TFCP2: variants seen among roughly 807,000 people sequenced by gnomAD.
TFCP2 encodes alpha-globin transcription factor CP2.
Under a neutral mutation model 73.4 loss-of-function variants are expected in TFCP2, and 33 were observed. The observed-to-expected ratio is 0.45, with a 90% CI of 0.34 to 0.60. The LOEUF (loss-of-function observed/expected upper bound fraction) is 0.60, where lower values mean the gene tolerates loss of function less well. Among genes scored for constraint, TFCP2 ranks in the 20% least tolerant of loss-of-function variants. The pLI is 0.01. For synonymous variants in TFCP2, 193 were observed against 211.6 expected (o/e 0.91, Z 0.76); for missense variants, 352 against 604.0 (o/e 0.58, Z 4.37).
rs766025418 is a variant in TFCP2 at position 51,107,348 on chromosome 12, T to C, written c.718-2A>G. ...TTGCTTTCTGTCTGCACCTTTGGGCTGAAATGAGAAATATTTTGTTTTAAA... is the reference window on the plus strand; with the variant it reads ...TTGCTTTCTGTCTGCACCTTTGGGCCGAAATGAGAAATATTTTGTTTTAAA... On this transcript the variant is annotated splice_acceptor_variant, in intron 6 of 14. Transcript: ENST00000257915. LOFTEE classifies it high-confidence loss of function. 1.2e-6 allele frequency: 2 copies of C among 1,604,082 alleles called. No homozygotes were observed. Among genetic ancestry groups the C allele is most frequent in the South Asian group, 2.3e-5 (2 of 88,338 alleles).
At chr12:51,136,983 A>T (rs894427862) in intron 1 of TFCP2, among the ~76,000 whole-genome samples, 9 of 152,064 alleles carry the variant, frequency 5.9e-5, no homozygotes, top group African/African-American at 1.4e-4. Flanking sequence ...CCATATCTGG[A>T]TTTTATGCTG....
chr12:51,140,445 C>CTTTTTTTTTTTTTTTTTTTTTTTTT (rs768526922), intron 1 of TFCP2, among the ~76,000 whole-genome samples: 20 of 88,034 alleles, frequency 2.3e-4, no homozygotes, highest in African/African-American at 2.7e-4. Context: ...TTTTCTTTTT[C>CTTTTTTTTTTTTTTTTTTTTTTTTT]TTTTTTTTTT....
chr12:51,141,596 C>A (rs1347221618), intron 1 of TFCP2, among the ~76,000 whole-genome samples: 1 of 151,762 alleles, frequency 6.6e-6, no homozygotes, highest in Non-Finnish European at 1.5e-5. Flanking sequence ...AGAATATGCC[C>A]ATATAAAAAA....
At chr12:51,157,971 C>A (rs1399503742) in intron 1 of TFCP2, among the ~76,000 whole-genome samples, 4 of 151,824 alleles carry the variant, frequency 2.6e-5, no homozygotes, top group Non-Finnish European at 5.9e-5. Context: ...AACCACTGCA[C>A]CCGACCCATT....
chr12:51,137,277 GAATT>G (rs1396684592), intron 1 of TFCP2, among the ~76,000 whole-genome samples: 1 of 152,102 alleles, frequency 6.6e-6, no homozygotes, highest in African/African-American at 2.4e-5. Flanking sequence ...CCACTCTGCT[GAATT>G]ATTTGCCAAC....
chr12:51,102,428 T>TA (rs146048465), intron 10 of TFCP2, among the ~76,000 whole-genome samples: 14 of 149,400 alleles, frequency 9.4e-5, no homozygotes, highest in East Asian at 5.9e-4. Flanking sequence ...CCCCATCTCT[T>TA]AAAAAAAAAA....
intron 4 of TFCP2, among the ~76,000 whole-genome samples, chr12:51,114,359 G>A (rs1487299860): frequency 9.2e-5 from 14 of 151,952 alleles, no homozygotes; most frequent in East Asian, 1.9e-4. Context: ...TAATCCCAGC[G>A]CTTTGGGAGG....
chr12:51,112,870 A>AG (rs1326009246), intron 4 of TFCP2, among the ~76,000 whole-genome samples: 10 of 151,658 alleles, frequency 6.6e-5, no homozygotes, highest in Admixed American at 6.6e-4. Context: ...CTGTCTCAAA[A>AG]AAAAAAAAAA....
chr12:51,145,393 A>AAAATAC (rs200935807), intron 1 of TFCP2, among the ~76,000 whole-genome samples: 20,555 of 144,132 alleles, frequency 0.14, 1,943 homozygotes, highest in South Asian at 0.23. Context: ...GAAAAAAAAA[A>AAAATAC]AAATACAAAT....
intron 12 of TFCP2, among the ~76,000 whole-genome samples, 175 bp downstream of exon 12, chr12:51,099,477 CAAA>C (rs11296144): frequency 7.2e-5 from 10 of 138,156 alleles, no homozygotes; most frequent in African/African-American, 5.3e-5. Flanking sequence ...GACTCTGTCT[CAAA>C]AAAAAAAAAA....
At chr12:51,160,574 A>G (rs971657263) in intron 1 of TFCP2, among the ~76,000 whole-genome samples, 13 of 152,310 alleles carry the variant, frequency 8.5e-5, no homozygotes, top group Admixed American at 6.5e-4. Context: ...GTGCGCGCAT[A>G]CACTGAGAAG....
At chr12:51,147,309 CT>C (rs1282683399) in intron 1 of TFCP2, among the ~76,000 whole-genome samples, 7 of 151,820 alleles carry the variant, frequency 4.6e-5, no homozygotes, top group South Asian at 4.2e-4. Context: ...CGCCACTGCA[CT>C]CCAGCCTCAG....
chr12:51,134,242 GAA>G (rs1462752988), intron 1 of TFCP2, among the ~76,000 whole-genome samples: 9 of 152,138 alleles, frequency 5.9e-5, no homozygotes, highest in African/African-American at 1.9e-4. Flanking sequence ...CTACAGAACT[GAA>G]AAGTTTCACG....
intron 1 of TFCP2, among the ~76,000 whole-genome samples, chr12:51,127,221 T>C (rs945730608): frequency 6.6e-6 from 1 of 152,158 alleles, no homozygotes; most frequent in Non-Finnish European, 1.5e-5. Context: ...CAGCTAGATG[T>C]AGCAACTAGA....
At chr12:51,142,202 G>GTA (rs1566222544) in intron 1 of TFCP2, among the ~76,000 whole-genome samples, 1 of 5,126 alleles carries the variant, frequency 2.0e-4, no homozygotes, top group Non-Finnish European at 4.5e-4. Flanking sequence ...AGACTCTGTC[G>GTA]CAAAAAAAAA....
chr12:51,101,687 T>A (rs770148913), intron 11 of TFCP2, among the ~76,000 whole-genome samples: 3 of 152,144 alleles, frequency 2.0e-5, no homozygotes, highest in Non-Finnish European at 2.9e-5. Context: ...ACCTGGCTCA[T>A]GAAAAGGATG....
intron 1 of TFCP2, among the ~76,000 whole-genome samples, chr12:51,149,422 A>C (rs558872239): frequency 6.6e-6 from 1 of 152,302 alleles, no homozygotes; most frequent in African/African-American, 2.4e-5. Context: ...CCTTAAAAAA[A>C]AAAGTAGAAG....
At chr12:51,135,590 A>AT (rs1941044989) in intron 1 of TFCP2, among the ~76,000 whole-genome samples, 2 of 152,206 alleles carry the variant, frequency 1.3e-5, no homozygotes, top group African/African-American at 4.8e-5. Flanking sequence ...GTGGCTCTCA[A>AT]TCTTAGCAGC....
rs554057210 is a variant in TFCP2 at position 51,100,672 on chromosome 12, G to A, written c.1152-893C>T. 1.2e-4 allele frequency among the ~76,000 whole-genome samples: 19 copies of A among 152,234 alleles called. No individual in the cohort carries two copies. In the South Asian group the frequency reaches 1.4e-3, roughly 12 times the overall value. ...CTCTACAAAAAGTACAAAATTAGGC[G>A]GGCGTGGTGGTGCGTGCCTGTAGTC... is the stretch of plus-strand genomic sequence containing the variant. On this transcript the variant is annotated intron_variant, in intron 11 of 14. Transcript: ENST00000257915.
Sources: gnomAD v4.1 joint callset for allele counts (sites outside exome capture counted in the v4.1 genomes callset) on GRCh38, gnomAD v4.1.1 for gene constraint, MANE v1.5 for transcripts, NCBI Gene and HGNC (gene_info 2026-07-23, HGNC 2026-07-21) for gene names.